KMT2C: variants seen among roughly 807,000 people sequenced by gnomAD.
The protein encoded by KMT2C is lysine methyltransferase 2C.
A neutral mutation model predicts 507.9 loss-of-function variants in KMT2C; 88 were observed. The ratio of observed to expected loss-of-function variants is 0.17; its 90% confidence interval spans 0.15 to 0.21. The LOEUF (loss-of-function observed/expected upper bound fraction) is 0.21, where lower values mean the gene tolerates loss of function less well. Among genes scored for constraint, KMT2C ranks in the 10% least tolerant of loss-of-function variants. KMT2C has a pLI of 1.00. For synonymous variants in KMT2C, 2,049 were observed against 2,080.8 expected (o/e 0.98, Z 0.42); for missense variants, 4,954 against 5,957.8 (o/e 0.83, Z 5.55).
At position 152,177,665 on chromosome 7, in the gene KMT2C, C is replaced by T. The variant is rs2129115196; in HGVS notation, c.7788G>A (p.Arg2596=). The T allele has an allele frequency of 6.2e-7, 1 of 1,614,042 alleles. No homozygotes were observed. Among genetic ancestry groups the T allele is most frequent in the Non-Finnish European group, 8.5e-7 (1 of 1,180,026 alleles). The part of the protein sequence containing the change: ...SNLRHGNFIP[R]PDFPGPRHTD... ...TGTGTCTAGGGCCCGGAAAGTCTGGCCGGGGAATGAAGTTTCCATGTCTCA... is the reference window on the plus strand; with the variant it reads ...TGTGTCTAGGGCCCGGAAAGTCTGGTCGGGGAATGAAGTTTCCATGTCTCA... The change falls in exon 38 of 59, where the codon CGG becomes CGA. Residue 2596 remains arginine, a synonymous_variant. Transcript: ENST00000262189.
chr7:152,157,725 G>T, intron 44 of KMT2C: 1 of 1,150,458 alleles, frequency 8.7e-7, no homozygotes, highest in Non-Finnish European at 1.1e-6. Flanking sequence ...GTTACCCAAA[G>T]ATGAAGCAAG....
intron 1 of KMT2C, among the ~76,000 whole-genome samples, chr7:152,434,894 G>A (rs1393447885): frequency 1.3e-5 from 2 of 152,124 alleles, no homozygotes; most frequent in African/African-American, 4.8e-5. Context: ...AGTGCTCTTG[G>A]TATTCTGCCT....
chr7:152,145,250 G>A lies in KMT2C; in HGVS notation c.14077C>T (p.Arg4693Ter), dbSNP rs2090985295. Reference protein sequence around the residue: ...ACENYTFRYGRNPLMELPLAV... With the variant: ...ACENYTFRYG ...AGAGGAAGTTCCATGAGAGGATTTC[G>A]GCCGTATCGGAAGGTATAATTTTCA... The change falls in exon 54 of 59, where the codon CGA (arginine) becomes TGA (stop). Residue 4693 changes from arginine to a stop codon, truncating the protein, a stop_gained. Transcript: ENST00000262189. LOFTEE classifies it high-confidence loss of function. 6.2e-7 allele frequency: 1 copy of A among 1,614,132 alleles called. No individual in the cohort carries two copies. The highest frequency in any genetic ancestry group is 1.1e-5 in the South Asian group (1 of 91,076).
intron 6 of KMT2C, among the ~76,000 whole-genome samples, chr7:152,303,901 T>C (rs1355802386): frequency 1.3e-5 from 2 of 152,038 alleles, no homozygotes; most frequent in African/African-American, 2.4e-5. Flanking sequence ...GGTGGGAGGA[T>C]GACTTGGGCC....
chr7:152,339,657 AAAGTT>A (rs1475566610), intron 2 of KMT2C, among the ~76,000 whole-genome samples: 1 of 152,160 alleles, frequency 6.6e-6, no homozygotes, highest in Non-Finnish European at 1.5e-5. Flanking sequence ...TGGCACTGAA[AAAGTT>A]AAGAACCCCT....
At chr7:152,414,319 C>G (rs2097712337) in intron 1 of KMT2C, among the ~76,000 whole-genome samples, 1 of 151,844 alleles carries the variant, frequency 6.6e-6, no homozygotes, top group African/African-American at 2.4e-5. Flanking sequence ...CACCTGAGGT[C>G]AGGAGTTCGA....
intron 6 of KMT2C, among the ~76,000 whole-genome samples, chr7:152,279,289 A>C (rs2096154112): frequency 6.7e-6 from 1 of 148,902 alleles, no homozygotes; most frequent in Admixed American, 6.7e-5. Context: ...CATCAAAAAA[A>C]TCTCTGAGAC....
intron 2 of KMT2C, among the ~76,000 whole-genome samples, chr7:152,340,221 C>G (rs1371532197): frequency 2.7e-5 from 4 of 150,306 alleles, no homozygotes; most frequent in African/African-American, 4.9e-5. Context: ...CTCCTGGGCT[C>G]CAGTTATCCT....
At chr7:152,211,130 C>T (rs2129140569) in intron 23 of KMT2C, among the ~76,000 whole-genome samples, 1 of 152,148 alleles carries the variant, frequency 6.6e-6, no homozygotes, top group African/African-American at 2.4e-5. Flanking sequence ...AAAGAATTTC[C>T]CAAAATCTTA....
At chr7:152,166,218 G>A (rs1208221227) in intron 42 of KMT2C, among the ~76,000 whole-genome samples, 2 of 148,862 alleles carry the variant, frequency 1.3e-5, no homozygotes, top group Non-Finnish European at 3.0e-5. Flanking sequence ...TGACTCCTTG[G>A]TGCAGGGATT....
At chr7:152,244,836 A>T (rs370597204) in intron 14 of KMT2C, among the ~76,000 whole-genome samples, 2 of 152,252 alleles carry the variant, frequency 1.3e-5, no homozygotes, top group East Asian at 1.9e-4. Context: ...ATATATTTGA[A>T]ACATGTCATA....
chr7:152,170,606 G>A (rs939390187), intron 40 of KMT2C, among the ~76,000 whole-genome samples: 2 of 152,088 alleles, frequency 1.3e-5, no homozygotes, highest in Admixed American at 6.6e-5. Context: ...GGGTTCAAGC[G>A]ATTCTCCTGC....
chr7:152,359,852 C>G (rs946388263), intron 1 of KMT2C, among the ~76,000 whole-genome samples: 2 of 151,806 alleles, frequency 1.3e-5, no homozygotes, highest in African/African-American at 4.8e-5. Flanking sequence ...AGGTCACGAA[C>G]AGCCTGGCCA....
chr7:152,221,212 G>A (rs200319671), intron 22 of KMT2C, among the ~76,000 whole-genome samples: 14 of 152,164 alleles, frequency 9.2e-5, no homozygotes, highest in Non-Finnish European at 1.3e-4. Context: ...AGCCGAGATC[G>A]TGCCACTGCA....
intron 53 of KMT2C, among the ~76,000 whole-genome samples, chr7:152,146,060 A>G (rs1424292539): frequency 6.6e-6 from 1 of 152,186 alleles, no homozygotes; most frequent in African/African-American, 2.4e-5. Context: ...AGAATCATAC[A>G]ATTTTCTAAA....
At chr7:152,279,415 T>C (rs907952552) in intron 6 of KMT2C, among the ~76,000 whole-genome samples, 19 of 152,148 alleles carry the variant, frequency 1.2e-4, no homozygotes, top group African/African-American at 4.6e-4. Context: ...AGAATCAACA[T>C]ATAATCCATG....
At chr7:152,360,116 A>C (rs2097184762) in intron 1 of KMT2C, among the ~76,000 whole-genome samples, 1 of 151,638 alleles carries the variant, frequency 6.6e-6, no homozygotes, top group Non-Finnish European at 1.5e-5. Context: ...AATATGAAAA[A>C]AGAATAAAAC....
chr7:152,401,467 G>A (rs1344832203), intron 1 of KMT2C, among the ~76,000 whole-genome samples: 2 of 151,876 alleles, frequency 1.3e-5, no homozygotes, highest in African/African-American at 4.8e-5. Context: ...GAGGCAAGTG[G>A]ATCAGTTGAG....
chr7:152,297,131 T>C (rs1318806717), intron 6 of KMT2C, among the ~76,000 whole-genome samples: 1 of 151,604 alleles, frequency 6.6e-6, no homozygotes, highest in Non-Finnish European at 1.5e-5. Context: ...AACATATATA[T>C]GCTATGTGAA....
Sources: gnomAD v4.1 joint callset for allele counts (sites outside exome capture counted in the v4.1 genomes callset) on GRCh38, gnomAD v4.1.1 for gene constraint, MANE v1.5 for transcripts, NCBI Gene and HGNC (gene_info 2026-07-23, HGNC 2026-07-21) for gene names.